PDE4D: variants seen among roughly 807,000 people sequenced by gnomAD.
PDE4D encodes 3',5'-cyclic-AMP phosphodiesterase 4D.
PDE4D carries 24 observed loss-of-function variants against 87.4 expected under a neutral mutation model. The observed-to-expected ratio is 0.27, with a 90% confidence interval of 0.20 to 0.39. PDE4D has a LOEUF of 0.39. PDE4D is among the 10% of genes least tolerant of loss of function. The probability of loss-of-function intolerance (pLI) is 1.00; values close to 1 mark genes in which losing one functional copy is unlikely to be tolerated. For synonymous variants in PDE4D, 384 were observed against 383.2 expected, an observed-to-expected ratio of 1.00 and a Z score of -0.02; for missense variants, 714 against 1,041.0, an observed-to-expected ratio of 0.69 and a Z score of 4.32.
intron 2 of PDE4D, among the ~76,000 whole-genome samples, chr5:60,078,569 T>A (rs1055623286): frequency 1.3e-5 from 2 of 152,134 alleles, no homozygotes; most frequent in Non-Finnish European, 2.9e-5. Flanking sequence ...CCCTGGTGTG[T>A]GTTGTTCCCT....
chr5:59,402,945 G>A (rs1360367673), intron 1 of PDE4D, among the ~76,000 whole-genome samples: 1 of 151,814 alleles, frequency 6.6e-6, no homozygotes, highest in Non-Finnish European at 1.5e-5. Flanking sequence ...TATCATCCCT[G>A]CAAAGTAACG....
chr5:59,830,411 TA>T (rs746365796), intron 1 of PDE4D, among the ~76,000 whole-genome samples: 1 of 152,102 alleles, frequency 6.6e-6, no homozygotes, highest in Non-Finnish European at 1.5e-5. Context: ...TAGTAATTTC[TA>T]AAAAAATCTA....
At chr5:60,254,056 C>A (rs1261904889) in intron 1 of PDE4D, among the ~76,000 whole-genome samples, 2 of 151,780 alleles carry the variant, frequency 1.3e-5, no homozygotes, top group South Asian at 4.1e-4. Context: ...CTTTCTATGC[C>A]CTTCTAAAAT....
At chr5:59,040,701 C>T (rs1030293859) in intron 5 of PDE4D, among the ~76,000 whole-genome samples, 1 of 152,148 alleles carries the variant, frequency 6.6e-6, no homozygotes, top group East Asian at 1.9e-4. Context: ...TCCCAAGGGT[C>T]CATTTGATAA....
chr5:60,351,919 C>G (rs922955431), intron 1 of PDE4D, among the ~76,000 whole-genome samples: 17 of 151,424 alleles, frequency 1.1e-4, no homozygotes, highest in Non-Finnish European at 2.2e-4. Context: ...GATCCTCCCA[C>G]CTCAGCCTCC....
chr5:59,172,305 A>G (rs988558418), intron 5 of PDE4D, among the ~76,000 whole-genome samples: 1 of 132,596 alleles, frequency 7.5e-6, no homozygotes, highest in African/African-American at 2.8e-5. Flanking sequence ...TAAGAAATAT[A>G]TATAATTTTA....
At chr5:59,288,506 TAGAA>T (rs1767420471) in intron 1 of PDE4D, among the ~76,000 whole-genome samples, 1 of 151,490 alleles carries the variant, frequency 6.6e-6, no homozygotes, top group South Asian at 2.1e-4. Flanking sequence ...AAAAAAAAGT[TAGAA>T]AGAGAGATGG....
At chr5:60,124,950 A>G (rs755865425) in intron 2 of PDE4D, among the ~76,000 whole-genome samples, 1 of 152,086 alleles carries the variant, frequency 6.6e-6, no homozygotes, top group Non-Finnish European at 1.5e-5. Context: ...CACTATCTTC[A>G]TTGACTTCCA....
At chr5:60,440,987 C>A (rs961242970) in intron 1 of PDE4D, among the ~76,000 whole-genome samples, 2 of 152,050 alleles carry the variant, frequency 1.3e-5, no homozygotes, top group Admixed American at 6.6e-5. Flanking sequence ...AATCAAGATT[C>A]ATTGAAGATC....
intron 1 of PDE4D, among the ~76,000 whole-genome samples, chr5:59,529,597 CA>C (rs1345639382): frequency 1.3e-5 from 2 of 152,116 alleles, no homozygotes; most frequent in African/African-American, 4.8e-5. Flanking sequence ...TCTGATTCAA[CA>C]AAAAAGTTTG....
intron 2 of PDE4D, among the ~76,000 whole-genome samples, chr5:60,152,874 C>G (rs1781635610): frequency 6.6e-6 from 1 of 152,104 alleles, no homozygotes; most frequent in African/African-American, 2.4e-5. Flanking sequence ...ATAGTAGTCC[C>G]TTATGATCCA....
At chr5:60,493,524 A>T (rs1192395167) in intron 1 of PDE4D, among the ~76,000 whole-genome samples, 3 of 152,232 alleles carry the variant, frequency 2.0e-5, no homozygotes, top group African/African-American at 7.2e-5. Flanking sequence ...AAGAAAGAAC[A>T]GAGTCTGCTT....
intron 1 of PDE4D, among the ~76,000 whole-genome samples, chr5:59,861,654 C>T (rs776300062): frequency 1.3e-5 from 2 of 151,980 alleles, no homozygotes; most frequent in African/African-American, 4.8e-5. Context: ...TTTTTTTTCC[C>T]CCAGCTCTCA....
In PDE4D at chr5:58,974,474, G is replaced by A. The variant is rs770867204; in HGVS notation, c.*190C>T. 9.4e-6 allele frequency: 4 copies of A among 424,632 alleles called. No homozygotes were observed. Among genetic ancestry groups the A allele is most frequent in the East Asian group, 3.4e-5 (1 of 29,682 alleles). The allele number at this position is 424,632 out of a possible 1,614,324, so 26.3% of individuals were successfully genotyped here. On this transcript the variant is annotated 3_prime_UTR_variant, in exon 15 of 15. Transcript: ENST00000340635. Reference sequence around the variant, plus strand: ...GTTCGTGAAGATGTCCACCTTGCTCGGATGACATGGAGGTGAAAAAACTGG... The same window carrying A: ...GTTCGTGAAGATGTCCACCTTGCTCAGATGACATGGAGGTGAAAAAACTGG...
chr5:60,409,323 C>A (rs1268103231), intron 1 of PDE4D, among the ~76,000 whole-genome samples: 7 of 152,008 alleles, frequency 4.6e-5, no homozygotes, highest in African/African-American at 1.7e-4. Flanking sequence ...CAGGAAAAAT[C>A]ATTTCATGTT....
At chr5:60,450,381 C>T (rs1230997064) in intron 1 of PDE4D, among the ~76,000 whole-genome samples, 1 of 152,022 alleles carries the variant, frequency 6.6e-6, no homozygotes, top group Non-Finnish European at 1.5e-5. Flanking sequence ...ATGTTAATCA[C>T]TATATAATTA....
At chr5:59,232,890 T>C (rs1047737291) in intron 1 of PDE4D, among the ~76,000 whole-genome samples, 9 of 151,950 alleles carry the variant, frequency 5.9e-5, no homozygotes, top group African/African-American at 2.2e-4. Flanking sequence ...AATCCTGCCA[T>C]TTGCAGCAAC....
At chr5:59,768,652 C>T (rs1337919488) in intron 1 of PDE4D, 1 of 1,508,108 alleles carries the variant, frequency 6.6e-7, no homozygotes, top group Non-Finnish European at 8.8e-7. Context: ...CTCTGTAGAG[C>T]CTGGGGCTGG....
intron 5 of PDE4D, among the ~76,000 whole-genome samples, chr5:59,071,865 T>C (rs1338817160): frequency 6.6e-6 from 1 of 151,870 alleles, no homozygotes; most frequent in Non-Finnish European, 1.5e-5. Flanking sequence ...TTTTTTATAT[T>C]TTTAGTAGAG....
Sources: allele counts gnomAD v4.1 joint callset (sites outside exome capture counted in the v4.1 genomes callset), GRCh38; gene constraint gnomAD v4.1.1; transcripts MANE v1.5; gene names NCBI Gene and HGNC (gene_info 2026-07-23, HGNC 2026-07-21).